The following HMCN2 variants were observed in gnomAD, a reference collection of about 807,000 sequenced individuals.
HMCN2 encodes the protein hemicentin 2.
HMCN2 carries 325 observed loss-of-function variants against 377.5 expected under a neutral mutation model. That is an observed-to-expected ratio of 0.86 (90% CI 0.79 to 0.94). The LOEUF (loss-of-function observed/expected upper bound fraction) is 0.94, where lower values mean the gene tolerates loss of function less well. HMCN2 is among the 40% of genes least tolerant of loss of function. HMCN2 has a pLI of 0.00. For missense variants in HMCN2, 4,543 were observed against 4,725.3 expected (o/e 0.96, Z 1.13); for synonymous variants, 2,007 against 2,046.8 (o/e 0.98, Z 0.53).
chr9:130,298,923 G>A (rs1309350448), intron 7 of HMCN2, 102 bp from the exon 8 acceptor site: 5 of 378,476 alleles, frequency 1.3e-5, no homozygotes, highest in Non-Finnish European at 2.2e-5. Context: ...GAAGGGCCAG[G>A]CAAGCAGGAC....
chr9:130,430,852 C>G (rs1195226932), intron 95 of HMCN2: 1 of 529,900 alleles, frequency 1.9e-6, no homozygotes, highest in African/African-American at 1.9e-5. Flanking sequence ...GACACTTTGC[C>G]CAGAGGGAGG....
At chr9:130,301,476 A>T (rs1481627580) in intron 8 of HMCN2, among the ~76,000 whole-genome samples, 1 of 152,148 alleles carries the variant, frequency 6.6e-6, no homozygotes, top group Non-Finnish European at 1.5e-5. Context: ...TTCGCCTTGT[A>T]GCAGGTGGCT....
rs1385272561 is a variant in HMCN2 at position 130,347,150 on chromosome 9, C to T, written c.3830-16C>T. On this transcript the variant is annotated splice_polypyrimidine_tract_variant and intron_variant, in intron 25 of 97. Coordinates refer to ENST00000683500, the MANE Select transcript of HMCN2 (RefSeq NM_001291815.2). The surrounding 1 kb of genome is among the most constrained non-coding windows in gnomAD (Gnocchi z 5.1). ...TGTCAGGGTGTTTGTACTGATGACT[C>T]CATGCACCCTGCCAGGAACGCCCAA... 1.3e-5 allele frequency: 2 copies of T among 152,314 alleles called. No homozygotes were observed. The highest frequency in any genetic ancestry group is 3.9e-4 in the East Asian group (2 of 5,182). 9.4% of individuals were successfully genotyped at this position (152,314 alleles called of 1,614,324 possible). A position where few individuals can be genotyped will look rare whatever the true frequency, so the allele number is the denominator to read the frequency against.
chr9:130,372,998 C>CG (rs1419986039), intron 47 of HMCN2, 40 bp from the exon 48 acceptor site: 1 of 148,582 alleles, frequency 6.7e-6, no homozygotes, highest in African/African-American at 2.5e-5. Context: ...GCCCCCCCCC[C>CG]CACCCCATCA....
intron 62 of HMCN2, among the ~76,000 whole-genome samples, chr9:130,389,340 C>G (rs1186735892): frequency 1.3e-5 from 2 of 152,124 alleles, no homozygotes; most frequent in African/African-American, 4.8e-5. Context: ...AAATTTAGAA[C>G]ATTTTTATCA....
intron 36 of HMCN2, 107 bp downstream of exon 36, chr9:130,358,593 T>A (rs1307461676): frequency 8.6e-6 from 9 of 1,046,618 alleles, no homozygotes; most frequent in Non-Finnish European, 1.2e-5. Flanking sequence ...GGTTTTTCAG[T>A]CATAGTTGTG....
At chr9:130,380,953 G>T (rs370376561) in intron 54 of HMCN2, among the ~76,000 whole-genome samples, 2,024 of 147,872 alleles carry the variant, frequency 0.014, 47 homozygotes, top group African/African-American at 0.048. Context: ...GCTCTGACCT[G>T]CTGATCCCGA....
intron 57 of HMCN2, 144 bp from the exon 58 acceptor site, chr9:130,384,229 C>T: frequency 1.7e-6 from 1 of 588,920 alleles, no homozygotes; most frequent in Non-Finnish European, 2.5e-6. Context: ...AGAGTCATGG[C>T]AAATGGAGGT....
intron 31 of HMCN2, among the ~76,000 whole-genome samples, chr9:130,353,966 GA>G (rs1239416159): frequency 6.6e-6 from 1 of 152,112 alleles, no homozygotes; most frequent in African/African-American, 2.4e-5. Flanking sequence ...TTGGGTACTG[GA>G]ACCTCAAAGG....
At chr9:130,350,435 T>C in intron 29 of HMCN2, among the ~76,000 whole-genome samples, 1 of 147,438 alleles carries the variant, frequency 6.8e-6, no homozygotes, top group East Asian at 2.0e-4. Context: ...CAGGCGCCTG[T>C]AATCCCAGCT....
Position 130,322,221 on chromosome 9 carries a change from T to G in HMCN2, c.2920+290T>G, listed in dbSNP as rs1471822121. On this transcript the variant is annotated intron_variant, in intron 19 of 97. Transcript: ENST00000683500. Reference sequence around the variant, plus strand: ...ACCTATGTGTAGTATATATATACACTATGTATACATAGAATATATATTCTT... The same window carrying G: ...ACCTATGTGTAGTATATATATACACGATGTATACATAGAATATATATTCTT... 2.0e-5 allele frequency among the ~76,000 whole-genome samples: 3 copies of G among 152,330 alleles called. No individual in the cohort carries two copies. The East Asian group carries it at 5.8e-4, about 29-fold the overall frequency.
intron 53 of HMCN2, among the ~76,000 whole-genome samples, 172 bp downstream of exon 53, chr9:130,377,971 T>C (rs1341846860): frequency 6.6e-6 from 1 of 152,146 alleles, no homozygotes; most frequent in Non-Finnish European, 1.5e-5. Context: ...CCCCTCTGCC[T>C]TGAGGGACCA....
intron 82 of HMCN2, chr9:130,406,758 T>A (rs1240630400): frequency 6.3e-6 from 1 of 157,730 alleles, no homozygotes; most frequent in Non-Finnish European, 1.4e-5. Flanking sequence ...CTTGGGCAGG[T>A]ATAATAGTTC....
intron 66 of HMCN2, among the ~76,000 whole-genome samples, chr9:130,392,813 G>A (rs370366416): frequency 1.1e-3 from 169 of 152,136 alleles, no homozygotes; most frequent in East Asian, 4.3e-3. Context: ...TGGCTAACAC[G>A]GTGAAACCCC....
rs932747979 is a variant in HMCN2, at chr9:130,271,010, G to C, written c.259+4873G>C. Among the ~76,000 whole-genome samples, 3 of 148,946 alleles carry C rather than the reference G, an allele frequency of 2.0e-5. No individual in the cohort carries two copies. In the East Asian group the frequency reaches 5.8e-4, roughly 29 times the overall value. On this transcript the variant is annotated intron_variant, in intron 1 of 97. Coordinates refer to ENST00000683500, the MANE Select transcript of HMCN2 (RefSeq NM_001291815.2). ...TCGTTTTGGTGAAATTGACAGTTTT[G>C]AGGAATACTGGTCAGCTCTTTTCCC...
chr9:130,368,926 G>A (rs958080943), intron 44 of HMCN2, among the ~76,000 whole-genome samples: 3 of 152,050 alleles, frequency 2.0e-5, no homozygotes, highest in Non-Finnish European at 4.4e-5. Flanking sequence ...GATTTGGGTG[G>A]GGACACAGCC....
intron 62 of HMCN2, among the ~76,000 whole-genome samples, chr9:130,389,742 TG>T (rs1842209765): frequency 6.6e-6 from 1 of 151,968 alleles, no homozygotes; most frequent in African/African-American, 2.4e-5. Flanking sequence ...GCCCAGCTAA[TG>T]TTTGTATTTT....
intron 25 of HMCN2, among the ~76,000 whole-genome samples, chr9:130,346,629 C>T (rs1036230437): frequency 1.3e-4 from 20 of 152,120 alleles, no homozygotes; most frequent in African/African-American, 4.8e-4. Flanking sequence ...TGCTGGAGCA[C>T]GGCAGGCTTG....
intron 1 of HMCN2, among the ~76,000 whole-genome samples, chr9:130,281,289 T>C (rs1661021406): frequency 6.6e-6 from 1 of 152,110 alleles, no homozygotes; most frequent in South Asian, 2.1e-4. Flanking sequence ...TTGGACAAGT[T>C]ACGTCTCTGG....
Sources: gnomAD v4.1 joint callset for allele counts (sites outside exome capture counted in the v4.1 genomes callset) on GRCh38, gnomAD v4.1.1 for gene constraint, Gnocchi (gnomAD v3.1) non-coding constraint, MANE v1.5 for transcripts, NCBI Gene and HGNC (gene_info 2026-07-23, HGNC 2026-07-21) for gene names.